Variants in ELFN2 observed in about 807,000 individuals in gnomAD.
ELFN2 encodes the protein extracellular leucine rich repeat and fibronectin type III domain containing 2.
ELFN2 carries 17 observed loss-of-function variants against 45.5 expected under a neutral mutation model. The ratio of observed to expected loss-of-function variants is 0.37; its 90% CI spans 0.26 to 0.56. ELFN2 has a LOEUF of 0.56. Ranked by LOEUF, ELFN2 falls within the 20% of genes least tolerant of loss-of-function variation. The pLI, the probability that ELFN2 is intolerant of heterozygous loss-of-function variation, is 0.77. For synonymous variants in ELFN2, 550 were observed against 551.5 expected (o/e 1.00, Z 0.04); for missense variants, 922 against 1,183.2 (o/e 0.78, Z 3.24).
chr22:37,397,613 T>G (rs5995424), intron 2 of ELFN2, among the ~76,000 whole-genome samples: 57,105 of 152,110 alleles, frequency 0.38, 13,897 homozygotes, highest in African/African-American at 0.69. Flanking sequence ...GTCAGCTGAC[T>G]CTGCTGGCCT....
In ELFN2 at chr22:37,417,288, G is replaced by T. The variant is rs1003234795; in HGVS notation, c.-463+481C>A. Among the ~76,000 whole-genome samples the T allele has an allele frequency of 3.3e-5, 5 of 152,172 alleles. No homozygotes were observed. Among genetic ancestry groups the T allele is most frequent in the African/African-American group, 1.2e-4 (5 of 41,446 alleles). ...ATCAGGCCCCATATCAATTCTGCTG[G>T]CGTTTTCCCCTGCTCCCGGCTCACT... On this transcript the variant is annotated intron_variant, in intron 2 of 2. Transcript: ENST00000402918. The surrounding 1 kb of genome is among the most constrained non-coding windows in gnomAD (Gnocchi z 4.5).
intron 2 of ELFN2, among the ~76,000 whole-genome samples, chr22:37,387,344 G>A (rs1319565796): frequency 6.6e-6 from 1 of 152,098 alleles, no homozygotes; most frequent in Non-Finnish European, 1.5e-5. Flanking sequence ...AAATTAGCTT[G>A]AATAACAAGA....
At position 37,375,697 on chromosome 22, in the gene ELFN2, G is replaced by C; in HGVS notation, c.-163C>G. 1 of 809,868 alleles carries C rather than the reference G, an allele frequency of 1.2e-6. No homozygotes were observed. Among genetic ancestry groups the C allele is most frequent in the Non-Finnish European group, 1.9e-6 (1 of 518,144 alleles). 50.2% of individuals were successfully genotyped at this position (809,868 alleles called of 1,614,324 possible). A position where few individuals can be genotyped will look rare whatever the true frequency, so the allele number is the denominator to read the frequency against. ...GGGTACAGCTAGTGCCAACTGCTGGGGATCTTCTAGGGTGCTACAGCAGGC... is the reference window on the plus strand; with the variant it reads ...GGGTACAGCTAGTGCCAACTGCTGGCGATCTTCTAGGGTGCTACAGCAGGC... On this transcript the variant is annotated 5_prime_UTR_variant, in exon 3 of 3. Coordinates refer to ENST00000402918, the MANE Select transcript of ELFN2 (RefSeq NM_052906.5).
chr22:37,348,681 G>T (rs753169130), intron 1 of ELFN2, among the ~76,000 whole-genome samples: 7 of 150,832 alleles, frequency 4.6e-5, no homozygotes, highest in South Asian at 2.1e-4. Context: ...ACACTCAGGG[G>T]CTTCCCTTCC....
At position 37,373,240 on chromosome 22, in the gene ELFN2, G is replaced by A. The variant is rs1601744548; in HGVS notation, c.2295C>T (p.Ser765=). The A allele has an allele frequency of 2.5e-6, 4 of 1,613,924 alleles. No individual in the cohort carries two copies. The highest frequency in any genetic ancestry group is 1.6e-4 in the Middle Eastern group (1 of 6,062). ...GGAAGCGCTCCCAGATCTTGTGCGTGCTCTCGGATGAGTACTCGGGGCTGG... is the reference window on the plus strand; with the variant it reads ...GGAAGCGCTCCCAGATCTTGTGCGTACTCTCGGATGAGTACTCGGGGCTGG... ...YSSSPEYSSE[S]THKIWERFRP... The change falls in exon 3 of 3, where the codon AGC becomes AGT. Residue 765 remains serine, a synonymous_variant. Coordinates refer to ENST00000402918, the MANE Select transcript of ELFN2 (RefSeq NM_052906.5).
At position 37,417,597 on chromosome 22, in the gene ELFN2, G is replaced by A. The variant is rs947601969; in HGVS notation, c.-463+172C>T. 2.0e-5 allele frequency among the ~76,000 whole-genome samples: 3 copies of A among 152,238 alleles called. No individual in the cohort carries two copies. Among genetic ancestry groups the A allele is most frequent in the Non-Finnish European group, 4.4e-5 (3 of 68,030 alleles). On this transcript the variant is annotated intron_variant, in intron 2 of 2. Transcript: ENST00000402918. This position sits in a 1 kb window ranked among gnomAD's most constrained non-coding sequence, Gnocchi z 4.5. Reference sequence around the variant, plus strand: ...TGCAGGCCGCCTCATAGGCCCTGTGGAAGGAAAGCTGGGTGGGAGGGGTGC... The same window carrying A: ...TGCAGGCCGCCTCATAGGCCCTGTGAAAGGAAAGCTGGGTGGGAGGGGTGC...
intron 2 of ELFN2, among the ~76,000 whole-genome samples, chr22:37,379,958 G>A (rs891726258): frequency 3.9e-5 from 6 of 152,172 alleles, no homozygotes; most frequent in South Asian, 2.1e-4. Context: ...CTGGCACAGC[G>A]CCTGGCCTCT....
chr22:37,360,899 G>A (rs151189672), intron 1 of ELFN2, among the ~76,000 whole-genome samples: 4 of 152,234 alleles, frequency 2.6e-5, no homozygotes, highest in African/African-American at 9.6e-5. Flanking sequence ...GCAGTGGGCA[G>A]AGTGAAGCGC....
At chr22:37,388,145 C>G (rs1178584973) in intron 2 of ELFN2, among the ~76,000 whole-genome samples, 3 of 152,090 alleles carry the variant, frequency 2.0e-5, no homozygotes. Context: ...TCTAGAACAT[C>G]AACCTGAGCA....
At chr22:37,384,050 C>G (rs1186692428) in intron 2 of ELFN2, among the ~76,000 whole-genome samples, 1 of 152,086 alleles carries the variant, frequency 6.6e-6, no homozygotes, top group Non-Finnish European at 1.5e-5. Context: ...CACCGTGTCA[C>G]CCCCCCATGG....
At chr22:37,361,560 C>G (rs1036712693) in intron 1 of ELFN2, among the ~76,000 whole-genome samples, 5 of 152,114 alleles carry the variant, frequency 3.3e-5, no homozygotes, top group African/African-American at 1.2e-4. Flanking sequence ...CTTCCTCTCC[C>G]TTTTCCTCCA....
In ELFN2 at chr22:37,375,639, G is replaced by A. The variant is rs1931557990; in HGVS notation, c.-105C>T. ...TCCCTGGGGCCGCCACCATCTTGGG[G>A]GCGACCCCCAGCACGGGGGCCCCAG... On this transcript the variant is annotated 5_prime_UTR_variant, in exon 3 of 3. Transcript: ENST00000402918. 1.4e-6 allele frequency: 2 copies of A among 1,381,780 alleles called. No individual in the cohort carries two copies. The highest frequency in any genetic ancestry group is 1.5e-5 in the African/African-American group (1 of 68,008). The allele number at this position is 1,381,780 out of a possible 1,614,324, so 85.6% of individuals were successfully genotyped here. A position where few individuals can be genotyped will look rare whatever the true frequency, so the allele number is the denominator to read the frequency against.
intron 2 of ELFN2, among the ~76,000 whole-genome samples, chr22:37,414,700 C>T (rs752225882): frequency 7.2e-5 from 11 of 152,180 alleles, no homozygotes; most frequent in Non-Finnish European, 1.5e-4. Flanking sequence ...ATGACAGCAT[C>T]GGGACATGAA....
chr22:37,400,119 G>A (rs965931001), intron 2 of ELFN2, among the ~76,000 whole-genome samples: 8 of 152,176 alleles, frequency 5.3e-5, no homozygotes, highest in African/African-American at 7.2e-5. Flanking sequence ...GCAAGGGAGT[G>A]CAAGGGAGAA....
chr22:37,409,255 C>A (rs972266173), intron 2 of ELFN2, among the ~76,000 whole-genome samples: 1 of 152,182 alleles, frequency 6.6e-6, no homozygotes, highest in African/African-American at 2.4e-5. Flanking sequence ...CCCGGGCACT[C>A]CTGTGGGCAC....
In ELFN2 at chr22:37,417,476, G is replaced by A. The variant is rs1175790560; in HGVS notation, c.-463+293C>T. On this transcript the variant is annotated intron_variant, in intron 2 of 2. Coordinates refer to ENST00000402918, the MANE Select transcript of ELFN2 (RefSeq NM_052906.5). The surrounding 1 kb of genome is among the most constrained non-coding windows in gnomAD (Gnocchi z 4.5). Reference sequence around the variant, plus strand: ...TAAGCCTGCCTCAGCCTCTCTGCCGGGTGATGGGGCAGGAGCTGGGGTCCT... The same window carrying A: ...TAAGCCTGCCTCAGCCTCTCTGCCGAGTGATGGGGCAGGAGCTGGGGTCCT... Among the ~76,000 whole-genome samples, 1 of 152,204 alleles carries A rather than the reference G, an allele frequency of 6.6e-6. No homozygotes were observed. The highest frequency in any genetic ancestry group is 1.5e-5 in the Non-Finnish European group (1 of 68,032).
chr22:37,354,546 C>G (rs974329504), intron 1 of ELFN2: 6 of 151,584 alleles, frequency 4.0e-5, no homozygotes, highest in Admixed American at 3.9e-4. Context: ...AAAAAAGAAA[C>G]ACACACACAC....
At chr22:37,383,621 C>T (rs1931850627) in intron 2 of ELFN2, among the ~76,000 whole-genome samples, 1 of 152,256 alleles carries the variant, frequency 6.6e-6, no homozygotes, top group South Asian at 2.1e-4. Context: ...TGCAGTTCAG[C>T]CCTGGGCTGG....
intron 2 of ELFN2, among the ~76,000 whole-genome samples, chr22:37,415,054 G>A (rs1395602090): frequency 6.6e-6 from 1 of 152,222 alleles, no homozygotes; most frequent in Non-Finnish European, 1.5e-5. Flanking sequence ...GAAAGGTGGA[G>A]AAACATGCCC....
Sources: gnomAD v4.1 joint callset for allele counts (sites outside exome capture counted in the v4.1 genomes callset) on GRCh38, gnomAD v4.1.1 for gene constraint, Gnocchi (gnomAD v3.1) non-coding constraint, MANE v1.5 for transcripts, NCBI Gene and HGNC (gene_info 2026-07-23, HGNC 2026-07-21) for gene names.